RFTN1: variants seen among roughly 807,000 people sequenced by gnomAD.
RFTN1 encodes raftlin.
In RFTN1, 26 loss-of-function variants were observed where a neutral mutation model predicts 46.5. The ratio of observed to expected loss-of-function variants is 0.56; its 90% confidence interval spans 0.41 to 0.78. The LOEUF is 0.78. Among genes scored for constraint, RFTN1 ranks in the 30% least tolerant of loss-of-function variants. RFTN1 has a pLI of 0.00. For missense variants in RFTN1, 693 were observed against 718.7 expected, an observed-to-expected ratio of 0.96 and a Z score of 0.41; for synonymous variants, 261 against 284.2, an observed-to-expected ratio of 0.92 and a Z score of 0.82.
At chr3:16,493,703 C>T in intron 2 of RFTN1, 22 bp downstream of exon 2, 1 of 1,607,628 alleles carries the variant, frequency 6.2e-7, no homozygotes, top group Non-Finnish European at 8.5e-7. Context: ...TGCCCCCATC[C>T]ATTCCCACCC....
chr3:16,385,974 T>C lies in RFTN1; in HGVS notation c.442-7872A>G, dbSNP rs544781921. Among the ~76,000 whole-genome samples the C allele has an allele frequency of 6.6e-6, 1 of 152,316 alleles. No individual in the cohort carries two copies. Among genetic ancestry groups the C allele is most frequent in the Non-Finnish European group, 1.5e-5 (1 of 68,030 alleles). ...CTCCAAGGCTGCAAGACCCCCAGGC[T>C]TCCATTAAATGCTGCTGCACACCCA... On this transcript the variant is annotated intron_variant, in intron 4 of 9. Coordinates refer to ENST00000334133, the MANE Select transcript of RFTN1 (RefSeq NM_015150.2). The surrounding 1 kb of genome is among the most constrained non-coding windows in gnomAD (Gnocchi z 5.0).
At chr3:16,412,863 G>A (rs1251884108) in intron 3 of RFTN1, among the ~76,000 whole-genome samples, 1 of 152,194 alleles carries the variant, frequency 6.6e-6, no homozygotes, top group East Asian at 1.9e-4. Flanking sequence ...AGAAAACAGA[G>A]ATCCCAGTCC....
intron 6 of RFTN1, among the ~76,000 whole-genome samples, chr3:16,360,072 G>A (rs1463460670): frequency 6.6e-6 from 1 of 151,964 alleles, no homozygotes; most frequent in Admixed American, 6.5e-5. Flanking sequence ...AGCTTTTATA[G>A]TTAAAAATAC....
chr3:16,406,347 G>A (rs2074855590), intron 4 of RFTN1, among the ~76,000 whole-genome samples: 1 of 152,220 alleles, frequency 6.6e-6, no homozygotes. Flanking sequence ...AGCGAGAAAT[G>A]CTAGGTCTTT....
In RFTN1 at chr3:16,382,133, T is replaced by G. The variant is rs1274337331; in HGVS notation, c.442-4031A>C. 6.6e-6 allele frequency among the ~76,000 whole-genome samples: 1 copy of G among 152,216 alleles called. No homozygotes were observed. The highest frequency in any genetic ancestry group is 1.5e-5 in the Non-Finnish European group (1 of 68,036). Reference sequence around the variant, plus strand: ...GAGGAAGCATATTTGTAGCTCTGCTTATTTCCTTCAAATAGATTCCTGGAA... The same window carrying G: ...GAGGAAGCATATTTGTAGCTCTGCTGATTTCCTTCAAATAGATTCCTGGAA... On this transcript the variant is annotated intron_variant, in intron 4 of 9. Transcript: ENST00000334133. This position sits in a 1 kb window ranked among gnomAD's most constrained non-coding sequence, Gnocchi z 4.7.
chr3:16,371,831 C>T (rs748291987), intron 5 of RFTN1, among the ~76,000 whole-genome samples: 1 of 152,224 alleles, frequency 6.6e-6, no homozygotes, highest in Non-Finnish European at 1.5e-5. Flanking sequence ...AGTACTTTCA[C>T]ACCAGAAATT....
chr3:16,422,529 G>A lies in RFTN1; in HGVS notation c.332+11322C>T, dbSNP rs970343535. Among the ~76,000 whole-genome samples, 1 of 152,060 alleles carries A rather than the reference G, an allele frequency of 6.6e-6. No homozygotes were observed. Among genetic ancestry groups the A allele is most frequent in the African/African-American group, 2.4e-5 (1 of 41,392 alleles). On this transcript the variant is annotated intron_variant, in intron 3 of 9. Coordinates refer to ENST00000334133, the MANE Select transcript of RFTN1 (RefSeq NM_015150.2). This position sits in a 1 kb window ranked among gnomAD's most constrained non-coding sequence, Gnocchi z 4.6. The stretch of plus-strand genomic sequence containing the variant: ...GCCTGTAATCCCAGCTACTCAGGAG[G>A]CTGAGGCAGGAGAATCACTTGAACC...
At position 16,467,459 on chromosome 3, in the gene RFTN1, G is replaced by A. The variant is rs557465291; in HGVS notation, c.145+26266C>T. The stretch of plus-strand genomic sequence containing the variant: ...ACAGGACATGGCCCCGGCTGCCTCC[G>A]CTGCCCGCCACTCATCCTCATCTCT... On this transcript the variant is annotated intron_variant, in intron 2 of 9. Transcript: ENST00000334133. Among the ~76,000 whole-genome samples, 16 of 152,290 alleles carry A rather than the reference G, an allele frequency of 1.1e-4. 1 individual carries two copies. The South Asian group carries it at 2.7e-3, about 26-fold the overall frequency.
Position 16,480,083 on chromosome 3 carries a change from C to G in RFTN1, c.145+13642G>C, listed in dbSNP as rs889066120. 6.6e-5 allele frequency among the ~76,000 whole-genome samples: 10 copies of G among 152,096 alleles called. No individual in the cohort carries two copies. The highest frequency in any genetic ancestry group is 2.4e-4 in the African/African-American group (10 of 41,386). On this transcript the variant is annotated intron_variant, in intron 2 of 9. Coordinates refer to ENST00000334133, the MANE Select transcript of RFTN1 (RefSeq NM_015150.2). This position sits in a 1 kb window ranked among gnomAD's most constrained non-coding sequence, Gnocchi z 4.3. ...TCACCATTGCATGCTCAATACAGAGCCTGAAAAAGAGTAGATAATCAATAA... is the reference window on the plus strand; with the variant it reads ...TCACCATTGCATGCTCAATACAGAGGCTGAAAAAGAGTAGATAATCAATAA...
Position 16,380,331 on chromosome 3 carries a change from T to A in RFTN1, c.442-2229A>T. ...GCCAAAGGATGGGGCACAAAGACGG[T>A]ATCTCTAACCTCTCTCCTTATCAGT... On this transcript the variant is annotated intron_variant, in intron 4 of 9. Transcript: ENST00000334133. This position sits in a 1 kb window ranked among gnomAD's most constrained non-coding sequence, Gnocchi z 4.8. Among the ~76,000 whole-genome samples the A allele has an allele frequency of 6.6e-6, 1 of 152,216 alleles. No homozygotes were observed. Among genetic ancestry groups the A allele is most frequent in the East Asian group, 1.9e-4 (1 of 5,204 alleles).
In RFTN1 at chr3:16,427,943, T is replaced by C. The variant is rs1451700927; in HGVS notation, c.332+5908A>G. ...CGCAGAGCCTCCTCTTCTAAAGCAC[T>C]CTCATTAACAAATTCCAGGTTAGAG... On this transcript the variant is annotated intron_variant, in intron 3 of 9. Coordinates refer to ENST00000334133, the MANE Select transcript of RFTN1 (RefSeq NM_015150.2). The surrounding 1 kb of genome is among the most constrained non-coding windows in gnomAD (Gnocchi z 5.4). Among the ~76,000 whole-genome samples, 1 of 152,060 alleles carries C rather than the reference T, an allele frequency of 6.6e-6. No homozygotes were observed. Among genetic ancestry groups the C allele is most frequent in the East Asian group, 1.9e-4 (1 of 5,188 alleles).
In RFTN1 at chr3:16,335,593, T is replaced by C. The variant is rs1257976229; in HGVS notation, c.1147-8717A>G. Reference sequence around the variant, plus strand: ...ACACATGTGAAAACACATGGACACATGGTGGGGAGCAACACACACTGGGAC... The same window carrying C: ...ACACATGTGAAAACACATGGACACACGGTGGGGAGCAACACACACTGGGAC... On this transcript the variant is annotated intron_variant, in intron 7 of 9. Coordinates refer to ENST00000334133, the MANE Select transcript of RFTN1 (RefSeq NM_015150.2). The surrounding 1 kb of genome is among the most constrained non-coding windows in gnomAD (Gnocchi z 4.7). Among the ~76,000 whole-genome samples the C allele has an allele frequency of 6.6e-6, 1 of 151,722 alleles. No individual in the cohort carries two copies. The highest frequency in any genetic ancestry group is 1.5e-5 in the Non-Finnish European group (1 of 67,942).
At chr3:16,419,207 C>T (rs567824816) in intron 3 of RFTN1, among the ~76,000 whole-genome samples, 1 of 152,266 alleles carries the variant, frequency 6.6e-6, no homozygotes, top group Admixed American at 6.5e-5. Context: ...GCCTAGGGAA[C>T]GTGTGGGTGA....
chr3:16,339,854 A>T (rs2071194976), intron 7 of RFTN1: 1 of 152,198 alleles, frequency 6.6e-6, no homozygotes, highest in Non-Finnish European at 1.5e-5. Context: ...TGAGTGAATA[A>T]ATGCACCTGT....
Position 16,507,772 on chromosome 3 carries a change from C to G in RFTN1, c.-9+5670G>C, listed in dbSNP as rs895471459. ...GCACACTCACATACACACAAACACA[C>G]ACATACACTCACATACACACAAACA... On this transcript the variant is annotated intron_variant, in intron 1 of 9. Coordinates refer to ENST00000334133, the MANE Select transcript of RFTN1 (RefSeq NM_015150.2). This position sits in a 1 kb window ranked among gnomAD's most constrained non-coding sequence, Gnocchi z 7.1. 1.3e-5 allele frequency among the ~76,000 whole-genome samples: 2 copies of G among 151,562 alleles called. No homozygotes were observed. The highest frequency in any genetic ancestry group is 4.9e-5 in the African/African-American group (2 of 41,190).
rs750055220 is a variant in RFTN1 at position 16,480,299 on chromosome 3, T to G, written c.145+13426A>C. On this transcript the variant is annotated intron_variant, in intron 2 of 9. Transcript: ENST00000334133. The surrounding 1 kb of genome is among the most constrained non-coding windows in gnomAD (Gnocchi z 4.3). Reference sequence around the variant, plus strand: ...TTACAAACTAATTCTGAGCTTACACTAGGGATGCCCAAGTGAAATAATCCC... The same window carrying G: ...TTACAAACTAATTCTGAGCTTACACGAGGGATGCCCAAGTGAAATAATCCC... Among the ~76,000 whole-genome samples, 4 of 152,212 alleles carry G rather than the reference T, an allele frequency of 2.6e-5. No homozygotes were observed. Among genetic ancestry groups the G allele is most frequent in the Admixed American group, 6.5e-5 (1 of 15,284 alleles).
chr3:16,497,356 A>T (rs78534375), intron 1 of RFTN1, among the ~76,000 whole-genome samples: 10,342 of 152,296 alleles, frequency 0.068, 500 homozygotes, highest in Middle Eastern at 0.13. Flanking sequence ...AACTGAAGCA[A>T]TATTTACAGT....
rs901096138 is a variant in RFTN1 at position 16,504,152 on chromosome 3, G to A, written c.-9+9290C>T. Among the ~76,000 whole-genome samples, 4 of 151,922 alleles carry A rather than the reference G, an allele frequency of 2.6e-5. No individual in the cohort carries two copies. Among genetic ancestry groups the A allele is most frequent in the Admixed American group, 6.5e-5 (1 of 15,270 alleles). On this transcript the variant is annotated intron_variant, in intron 1 of 9. Coordinates refer to ENST00000334133, the MANE Select transcript of RFTN1 (RefSeq NM_015150.2). This position sits in a 1 kb window ranked among gnomAD's most constrained non-coding sequence, Gnocchi z 4.4. ...CTAAAAAAAAAATACCCAATAGTTC[G>A]TTTTATTAAGTAGTTAGGTCCAAAC...
intron 2 of RFTN1, among the ~76,000 whole-genome samples, chr3:16,445,057 T>C (rs958605595): frequency 1.3e-5 from 2 of 152,228 alleles, no homozygotes; most frequent in Non-Finnish European, 2.9e-5. Context: ...ATTGGTTTCA[T>C]TACACACTGT....
Sources: allele counts gnomAD v4.1 joint callset (sites outside exome capture counted in the v4.1 genomes callset), GRCh38; gene constraint gnomAD v4.1.1; non-coding constraint Gnocchi (gnomAD v3.1); transcripts MANE v1.5; gene names NCBI Gene and HGNC (gene_info 2026-07-23, HGNC 2026-07-21).